The following NAT1 variants were observed in gnomAD, a reference collection of about 807,000 sequenced individuals.
NAT1 encodes the protein arylamine N-acetyltransferase 1.
For synonymous variants in NAT1, 144 were observed against 122.6 expected (o/e 1.17, Z -1.16); for missense variants, 400 against 339.2 (o/e 1.18, Z -1.41).
At chr8:18,194,685 T>C (rs1017931606) in intron 2 of NAT1, among the ~76,000 whole-genome samples, 2 of 152,056 alleles carry the variant, frequency 1.3e-5, no homozygotes, top group African/African-American at 4.8e-5. Context: ...CCGGGCATGG[T>C]GGCAGGTACC....
intron 1 of NAT1, among the ~76,000 whole-genome samples, chr8:18,218,949 C>T (rs919898852): frequency 6.6e-6 from 1 of 152,192 alleles, no homozygotes; most frequent in African/African-American, 2.4e-5. Flanking sequence ...TAGCATCATA[C>T]ATTAAGGGCC....
chr8:18,181,778 A>C (rs1563163496), intron 2 of NAT1, among the ~76,000 whole-genome samples: 1 of 152,078 alleles, frequency 6.6e-6, no homozygotes, highest in Non-Finnish European at 1.5e-5. Flanking sequence ...GAGACATTTC[A>C]CCATGAAGGG....
At chr8:18,209,278 G>A (rs1407179957), upstream of NAT1, among the ~76,000 whole-genome samples, 1 of 152,242 alleles carries the variant, frequency 6.6e-6, no homozygotes, top group African/African-American at 2.4e-5. Context: ...CCAGAGGCAT[G>A]TTCTAGAACA....
chr8:18,205,780 G>A (rs1034044077), upstream of NAT1, among the ~76,000 whole-genome samples: 3 of 152,180 alleles, frequency 2.0e-5, no homozygotes, highest in Non-Finnish European at 2.9e-5. Flanking sequence ...AGAGCTCCTC[G>A]CAGGTTAGGT....
chr8:18,185,073 G>A (rs28450997), intron 2 of NAT1, among the ~76,000 whole-genome samples: 1 of 71,046 alleles, frequency 1.4e-5, no homozygotes, highest in Non-Finnish European at 2.5e-5. Context: ...TGCTTGTTTC[G>A]GTTTCAGGAG....
intron 2 of NAT1, among the ~76,000 whole-genome samples, chr8:18,190,129 T>C (rs139410203): frequency 1.3e-5 from 2 of 152,194 alleles, no homozygotes; most frequent in African/African-American, 4.8e-5. Flanking sequence ...GTGTTTTAAT[T>C]TAATTCAGCT....
chr8:18,192,471 C>T (rs1484909781), intron 2 of NAT1, among the ~76,000 whole-genome samples: 3 of 152,110 alleles, frequency 2.0e-5, no homozygotes, highest in Non-Finnish European at 4.4e-5. Context: ...ACCATGTGAC[C>T]CAGCCATCCC....
intron 2 of NAT1, among the ~76,000 whole-genome samples, chr8:18,190,949 C>T (rs1802957609): frequency 6.6e-6 from 1 of 151,940 alleles, no homozygotes; most frequent in Non-Finnish European, 1.5e-5. Flanking sequence ...TGCCTGTAAT[C>T]CCAGCTACAC....
chr8:18,182,834 T>G (rs1802573035), intron 2 of NAT1, among the ~76,000 whole-genome samples: 1 of 152,306 alleles, frequency 6.6e-6, no homozygotes, highest in South Asian at 2.1e-4. Context: ...TAGGAATAAA[T>G]TACATGTTTT....
intron 2 of NAT1, among the ~76,000 whole-genome samples, chr8:18,202,414 A>G (rs1748507967): frequency 6.6e-6 from 1 of 152,196 alleles, no homozygotes; most frequent in African/African-American, 2.4e-5. Context: ...TTATAAAGCT[A>G]TTGTGTCCGG....
chr8:18,174,841 C>T (rs1802227336), intron 2 of NAT1, among the ~76,000 whole-genome samples: 1 of 152,030 alleles, frequency 6.6e-6, no homozygotes, highest in South Asian at 2.1e-4. Flanking sequence ...ACCCTTTTAC[C>T]TCCCAAATGC....
chr8:18,181,301 T>C (rs1189332241), intron 2 of NAT1, among the ~76,000 whole-genome samples: 1 of 152,160 alleles, frequency 6.6e-6, no homozygotes, highest in Admixed American at 6.6e-5. Context: ...TCTAAGATTT[T>C]TTTGCAATTG....
At chr8:18,183,953 A>G (rs928917641) in intron 2 of NAT1, among the ~76,000 whole-genome samples, 1 of 152,146 alleles carries the variant, frequency 6.6e-6, no homozygotes, top group African/African-American at 2.4e-5. Flanking sequence ...CCCACACAGC[A>G]TCTCTCATGA....
At chr8:18,206,242 G>T (rs1400294797), upstream of NAT1, among the ~76,000 whole-genome samples, 24 of 152,156 alleles carry the variant, frequency 1.6e-4, no homozygotes, top group Admixed American at 1.4e-3. Context: ...ACAACACCAG[G>T]TATGCAGCAG....
intron 2 of NAT1, among the ~76,000 whole-genome samples, chr8:18,179,355 T>C (rs866058683): frequency 5.9e-5 from 9 of 152,272 alleles, no homozygotes; most frequent in African/African-American, 1.7e-4. Flanking sequence ...TTTTAGGGAA[T>C]TGGTCTAAGG....
chr8:18,173,770 C>T (rs1377811558), intron 2 of NAT1, among the ~76,000 whole-genome samples: 1 of 152,074 alleles, frequency 6.6e-6, no homozygotes, highest in Non-Finnish European at 1.5e-5. Flanking sequence ...TGCCTGGTCC[C>T]TAATGGGTGG....
chr8:18,189,080 C>G (rs1028153887), intron 2 of NAT1, among the ~76,000 whole-genome samples: 2 of 150,994 alleles, frequency 1.3e-5, no homozygotes, highest in Non-Finnish European at 2.9e-5. Context: ...TTGTCCCTTA[C>G]TTAGAGATCT....
intron 2 of NAT1, among the ~76,000 whole-genome samples, chr8:18,193,430 C>G (rs1408645123): frequency 2.8e-5 from 4 of 144,574 alleles, no homozygotes; most frequent in Non-Finnish European, 6.0e-5. Context: ...GCACTCCAAC[C>G]TGGGTGAGAG....
chr8:18,201,504 T>G (rs1385895549), intron 2 of NAT1, among the ~76,000 whole-genome samples: 1 of 151,932 alleles, frequency 6.6e-6, no homozygotes, highest in East Asian at 1.9e-4. Flanking sequence ...GGTAGCAATA[T>G]TAACTGAGTA....
Sources: allele counts gnomAD v4.1 joint callset (sites outside exome capture counted in the v4.1 genomes callset), GRCh38; gene constraint gnomAD v4.1.1; transcripts MANE v1.5; gene names NCBI Gene and HGNC (gene_info 2026-07-23, HGNC 2026-07-21).